PUDP: variants seen among roughly 807,000 people sequenced by gnomAD.
The protein encoded by PUDP is pseudouridine 5'-phosphatase.
Under a neutral mutation model 9.4 loss-of-function variants are expected in PUDP, and 8 were observed. The ratio of observed to expected loss-of-function variants is 0.85; its 90% CI spans 0.50 to 1.53. PUDP has a LOEUF of 1.53. PUDP is among the 40% of genes most tolerant of loss of function. The probability of loss-of-function intolerance (pLI) is 0.00; values close to 1 mark genes in which losing one functional copy is unlikely to be tolerated. For missense variants in PUDP, 188 were observed against 189.7 expected, an observed-to-expected ratio of 0.99 and a Z score of 0.05; for synonymous variants, 99 against 80.7, an observed-to-expected ratio of 1.23 and a Z score of -1.22.
upstream of PUDP, among the ~76,000 whole-genome samples, chrX:6,722,200 C>T (rs190823105): frequency 8.5e-4 from 95 of 111,166 alleles, 1 homozygote; most frequent in East Asian, 0.026. Context: ...AATTCTAGCA[C>T]TTTTGGAGGC....
rs1412333923 is a variant in PUDP at position 7,114,391 on chromosome X, C to G, written c.62-8553G>C. Among the ~76,000 whole-genome samples the G allele has an allele frequency of 7.2e-5, 8 of 111,414 alleles. No individual in the cohort carries two copies. The Admixed American group carries it at 7.6e-4, about 11-fold the overall frequency. On this transcript the variant is annotated intron_variant, in intron 1 of 3. Coordinates refer to ENST00000381077, the MANE Select transcript of PUDP (RefSeq NM_012080.5). ...CCACAGTGCCCAGCCTCCTCCTCTT[C>G]TTACAAAGCCAGCAGTCCCACTCCT...
chrX:6,995,603 A>T (rs1286812710), intron 1 of PUDP, among the ~76,000 whole-genome samples: 1 of 110,270 alleles, frequency 9.1e-6, no homozygotes, highest in African/African-American at 3.3e-5. Context: ...GCATGCCTGT[A>T]GTTCCAGCTA....
chrX:7,027,727 CATTATAGTCTATATATAGACTAT>C (rs1439375253), intron 1 of PUDP, among the ~76,000 whole-genome samples: 1 of 92,611 alleles, frequency 1.1e-5, no homozygotes, highest in Non-Finnish European at 2.1e-5. Context: ...ATATAGACTA[CATTATAGTCTATATATAGACTAT>C]ATATATAGAA....
intron 3 of PUDP, among the ~76,000 whole-genome samples, chrX:6,817,583 A>G (rs1351104292): frequency 1.8e-5 from 2 of 111,863 alleles, no homozygotes; most frequent in African/African-American, 6.5e-5. Context: ...AGTCAATGGG[A>G]AAGATTCACT....
At chrX:6,716,804 T>C (rs1436901945) in intron 1 of PUDP, among the ~76,000 whole-genome samples, 2 of 111,264 alleles carry the variant, frequency 1.8e-5, no homozygotes, top group Non-Finnish European at 3.8e-5. Context: ...AGCTATTTTT[T>C]CAAAATTTTT....
At chrX:6,792,537 C>T (rs759926027) in intron 3 of PUDP, among the ~76,000 whole-genome samples, 1 of 110,597 alleles carries the variant, frequency 9.0e-6, no homozygotes, top group South Asian at 3.9e-4. Context: ...CCTCCCTATA[C>T]CCAGAGTAAA....
chrX:6,735,701 C>A (rs912735304), intron 3 of PUDP, among the ~76,000 whole-genome samples: 1 of 111,334 alleles, frequency 9.0e-6, no homozygotes, highest in Middle Eastern at 4.7e-3. Flanking sequence ...TTGAATTAAT[C>A]TTTTAATCTG....
chrX:6,852,762 T>C (rs993721285), intron 3 of PUDP, among the ~76,000 whole-genome samples: 2 of 112,018 alleles, frequency 1.8e-5, no homozygotes, highest in Non-Finnish European at 3.8e-5. Context: ...GTCTCATCAA[T>C]GTACCACAAT....
intron 1 of PUDP, among the ~76,000 whole-genome samples, chrX:7,042,661 G>T (rs747370793): frequency 2.9e-3 from 306 of 106,565 alleles, no homozygotes; most frequent in Non-Finnish European, 5.0e-3. Flanking sequence ...TCATTTTTTG[G>T]GGGGGGTAGA....
chrX:6,904,675 G>A (rs1333397375), intron 3 of PUDP, among the ~76,000 whole-genome samples: 1 of 111,652 alleles, frequency 9.0e-6, no homozygotes, highest in Non-Finnish European at 1.9e-5. Context: ...CAAGCTCAAC[G>A]TGCCCTGGAA....
chrX:7,027,801 T>A (rs188300897), intron 1 of PUDP, among the ~76,000 whole-genome samples: 4 of 27,786 alleles, frequency 1.4e-4, no homozygotes, highest in African/African-American at 6.1e-4. Flanking sequence ...ATAGAATATA[T>A]TATTTTCTAT....
At chrX:6,946,952 G>T (rs1928472912) in intron 3 of PUDP, among the ~76,000 whole-genome samples, 1 of 106,908 alleles carries the variant, frequency 9.4e-6, no homozygotes, top group African/African-American at 3.4e-5. Flanking sequence ...TGTTTTAAAA[G>T]TTGAATTCTA....
intron 3 of PUDP, among the ~76,000 whole-genome samples, chrX:6,943,615 G>A (rs1928426360): frequency 8.9e-6 from 1 of 111,764 alleles, no homozygotes; most frequent in Non-Finnish European, 1.9e-5. Context: ...CAGATATATT[G>A]GGAATAAAAC....
intron 2 of PUDP, among the ~76,000 whole-genome samples, chrX:7,094,838 C>T (rs775734138): frequency 2.7e-5 from 3 of 111,961 alleles, no homozygotes; most frequent in South Asian, 3.7e-4. Flanking sequence ...TGACTGTCAG[C>T]GTACAATTTT....
chrX:7,044,310 A>G (rs989125195), downstream of PUDP, among the ~76,000 whole-genome samples: 8 of 112,230 alleles, frequency 7.1e-5, no homozygotes, highest in African/African-American at 2.3e-4. Flanking sequence ...TGAAGCAGGA[A>G]TGTGTTTGGT....
At chrX:7,071,948 T>A (rs911660158) in intron 3 of PUDP, among the ~76,000 whole-genome samples, 1 of 110,193 alleles carries the variant, frequency 9.1e-6, no homozygotes, top group African/African-American at 3.3e-5. Context: ...GGCAAATTTA[T>A]CATCATCATC....
intron 3 of PUDP, among the ~76,000 whole-genome samples, chrX:7,066,875 A>T (rs932404494): frequency 8.9e-6 from 1 of 112,084 alleles, no homozygotes; most frequent in African/African-American, 3.2e-5. Flanking sequence ...ACACACACAT[A>T]AACACACACA....
At chrX:6,801,293 G>A (rs969104423) in intron 3 of PUDP, among the ~76,000 whole-genome samples, 1 of 112,081 alleles carries the variant, frequency 8.9e-6, no homozygotes, top group African/African-American at 3.2e-5. Context: ...GGGTTATGTG[G>A]CAGACCCCAG....
At chrX:6,952,349 T>C (rs1366623765) in intron 3 of PUDP, among the ~76,000 whole-genome samples, 1 of 112,249 alleles carries the variant, frequency 8.9e-6, no homozygotes, top group Non-Finnish European at 1.9e-5. Flanking sequence ...CTTCCCCTAA[T>C]GTTAACATCT....
Sources: allele counts gnomAD v4.1 joint callset (sites outside exome capture counted in the v4.1 genomes callset), GRCh38; gene constraint gnomAD v4.1.1; transcripts MANE v1.5; gene names NCBI Gene and HGNC (gene_info 2026-07-23, HGNC 2026-07-21).